ADAMTS18: variants seen among roughly 807,000 people sequenced by gnomAD.
ADAMTS18 encodes the protein A disintegrin and metalloproteinase with thrombospondin motifs 18.
Under a neutral mutation model 165.9 loss-of-function variants are expected in ADAMTS18, and 157 were observed. The observed-to-expected ratio is 0.95, with a 90% CI of 0.83 to 1.08. ADAMTS18 has a LOEUF of 1.08. Among genes scored for constraint, ADAMTS18 ranks in the 50% least tolerant of loss-of-function variants. The pLI is 0.00. For missense variants in ADAMTS18, 2,040 were observed against 1,534.0 expected (o/e 1.33, Z -5.51); for synonymous variants, 782 against 578.2 (o/e 1.35, Z -5.06).
At chr16:77,315,483 C>T (rs1393121463) in intron 16 of ADAMTS18, among the ~76,000 whole-genome samples, 1 of 152,218 alleles carries the variant, frequency 6.6e-6, no homozygotes, top group Non-Finnish European at 1.5e-5. Context: ...ATGAGGGCAT[C>T]TCCACTCACG....
At chr16:77,356,511 G>T (rs550137913) in intron 8 of ADAMTS18, among the ~76,000 whole-genome samples, 2 of 152,220 alleles carry the variant, frequency 1.3e-5, no homozygotes, top group Non-Finnish European at 2.9e-5. Flanking sequence ...ATTATAAGTT[G>T]TTTATGAACT....
intron 11 of ADAMTS18, 47 bp from the exon 12 acceptor site, chr16:77,335,951 A>C (rs2056304089): frequency 6.2e-7 from 1 of 1,613,314 alleles, no homozygotes; most frequent in Non-Finnish European, 8.5e-7. Context: ...ACCACCTGGG[A>C]AAGCGCAGGG....
At chr16:77,373,080 T>G (rs990583085) in intron 3 of ADAMTS18, among the ~76,000 whole-genome samples, 1 of 152,124 alleles carries the variant, frequency 6.6e-6, no homozygotes, top group African/African-American at 2.4e-5. Context: ...TCACACATTT[T>G]TTTTCTTTCC....
rs36191323 is a variant in ADAMTS18, at chr16:77,314,753, C to CATATAT, written c.2532+5090_2532+5095dup. Among the ~76,000 whole-genome samples the CATATAT allele has an allele frequency of 4.9e-3, 179 of 36,906 alleles. 13 individuals carry two copies. Among genetic ancestry groups the CATATAT allele is most frequent in the East Asian group, 0.034 (52 of 1,540 alleles). 24.2% of individuals were successfully genotyped at this position (36,906 alleles called of 152,430 possible). On this transcript the variant is annotated intron_variant, in intron 16 of 22. Transcript: ENST00000282849. ...GTTTGCTAAATATGGTCTCAGGTTT[C>CATATAT]ATATATATATATATATATATATATA...
At chr16:77,403,646 G>A (rs1176254738) in intron 3 of ADAMTS18, among the ~76,000 whole-genome samples, 1 of 152,174 alleles carries the variant, frequency 6.6e-6, no homozygotes, top group Non-Finnish European at 1.5e-5. Context: ...ACATCTAAAT[G>A]ACCTGTGTGT....
intron 3 of ADAMTS18, among the ~76,000 whole-genome samples, chr16:77,400,925 C>A (rs918097658): frequency 2.0e-5 from 3 of 146,424 alleles, no homozygotes; most frequent in African/African-American, 8.1e-5. Flanking sequence ...AAATAAACTA[C>A]CTGCACCCAA....
At chr16:77,337,152 C>G (rs967202831) in intron 11 of ADAMTS18, among the ~76,000 whole-genome samples, 1 of 152,134 alleles carries the variant, frequency 6.6e-6, no homozygotes, top group African/African-American at 2.4e-5. Context: ...GGATTAATTG[C>G]CATTTCAGAG....
intron 4 of ADAMTS18, among the ~76,000 whole-genome samples, chr16:77,366,191 G>A (rs529910885): frequency 7.2e-5 from 11 of 152,196 alleles, no homozygotes; most frequent in Admixed American, 3.3e-4. Context: ...CCAACTTGGC[G>A]CACAGTTTCC....
chr16:77,375,996 C>T (rs371621392), intron 3 of ADAMTS18, among the ~76,000 whole-genome samples: 1 of 146,670 alleles, frequency 6.8e-6, no homozygotes, highest in Admixed American at 6.9e-5. Flanking sequence ...CGCTGCCTCC[C>T]GGGTTCAAGC....
At chr16:77,400,428 GTGTGTGTGTGTGTGTGTGTGTGTGTGTC>G (rs1454021968) in intron 3 of ADAMTS18, among the ~76,000 whole-genome samples, 3 of 74,098 alleles carry the variant, frequency 4.0e-5, no homozygotes, top group African/African-American at 1.3e-4. Context: ...GGGGAATTGT[GTGTGTGTGTGTGTGTGTGTGTGTGTGTC>G]TGTGTGTGTG....
chr16:77,342,387 C>T (rs1470811110), intron 10 of ADAMTS18, among the ~76,000 whole-genome samples: 5 of 152,162 alleles, frequency 3.3e-5, no homozygotes, highest in African/African-American at 1.2e-4. Flanking sequence ...AAAAAATGTT[C>T]TACAGTTGCT....
At chr16:77,346,285 C>T (rs2056475463) in intron 10 of ADAMTS18, among the ~76,000 whole-genome samples, 1 of 152,034 alleles carries the variant, frequency 6.6e-6, no homozygotes, top group African/African-American at 2.4e-5. Context: ...TTGTTTTCTC[C>T]CCCACTAGCC....
intron 16 of ADAMTS18, among the ~76,000 whole-genome samples, chr16:77,303,760 G>A (rs904873278): frequency 2.6e-5 from 4 of 152,212 alleles, no homozygotes; most frequent in African/African-American, 4.8e-5. Context: ...AGGGCCGGAC[G>A]CGGGGGCTCG....
intron 14 of ADAMTS18, 37 bp from the exon 15 acceptor site, chr16:77,321,239 T>A: frequency 5.0e-6 from 8 of 1,613,514 alleles, no homozygotes; most frequent in Non-Finnish European, 6.8e-6. Context: ...AAATAAAAGA[T>A]CAGAGAAGCC....
chr16:77,292,501 G>C (rs1390107561), intron 20 of ADAMTS18, among the ~76,000 whole-genome samples: 1 of 152,058 alleles, frequency 6.6e-6, no homozygotes, highest in Non-Finnish European at 1.5e-5. Context: ...CATTTTTCAG[G>C]CCATGCTCCC....
chr16:77,414,932 A>T (rs560486859), intron 3 of ADAMTS18, among the ~76,000 whole-genome samples: 18 of 152,238 alleles, frequency 1.2e-4, no homozygotes, highest in Non-Finnish European at 2.1e-4. Context: ...CCAACTGCTC[A>T]GACAGGCACA....
intron 3 of ADAMTS18, among the ~76,000 whole-genome samples, chr16:77,423,628 T>C (rs926259435): frequency 6.6e-6 from 1 of 152,160 alleles, no homozygotes; most frequent in Non-Finnish European, 1.5e-5. Context: ...AGACAAGAGA[T>C]GGAACTTCAG....
chr16:77,400,470 G>GTC (rs1198976028), intron 3 of ADAMTS18, among the ~76,000 whole-genome samples: 1 of 125,380 alleles, frequency 8.0e-6, no homozygotes, highest in Admixed American at 7.8e-5. Flanking sequence ...GTGTGTGTGT[G>GTC]TGTGTGTGTG....
chr16:77,293,302 C>A, intron 19 of ADAMTS18, 44 bp from the exon 20 acceptor site: 2 of 1,488,644 alleles, frequency 1.3e-6, no homozygotes, highest in Non-Finnish European at 1.9e-6. Context: ...CATTAGGTTT[C>A]AGTAGCCACA....
Sources: allele counts gnomAD v4.1 joint callset (sites outside exome capture counted in the v4.1 genomes callset), GRCh38; gene constraint gnomAD v4.1.1; transcripts MANE v1.5; gene names NCBI Gene and HGNC (gene_info 2026-07-23, HGNC 2026-07-21).